Variants in HDAC4 observed in about 807,000 individuals in gnomAD.
HDAC4 encodes the protein histone deacetylase A.
HDAC4 carries 16 observed loss-of-function variants against 135.1 expected under a neutral mutation model. That is an observed-to-expected ratio of 0.12 (90% CI 0.08 to 0.18). The LOEUF (loss-of-function observed/expected upper bound fraction) is 0.18, where lower values mean the gene tolerates loss of function less well. Among genes scored for constraint, HDAC4 ranks in the 10% least tolerant of loss-of-function variants. The pLI, the probability that HDAC4 is intolerant of heterozygous loss-of-function variation, is 1.00. For missense variants in HDAC4, 1,143 were observed against 1,511.8 expected, an observed-to-expected ratio of 0.76 and a Z score of 4.05; for synonymous variants, 685 against 653.4, an observed-to-expected ratio of 1.05 and a Z score of -0.74.
At chr2:239,276,158 C>G (rs1478434835) in intron 2 of HDAC4, among the ~76,000 whole-genome samples, 1 of 152,252 alleles carries the variant, frequency 6.6e-6, no homozygotes, top group African/African-American at 2.4e-5. Context: ...CAAGTTCACT[C>G]TGGTGGCAAC....
rs552077253 is a variant in HDAC4, at chr2:239,158,072, G to C, written c.612-1299C>G. 3.9e-5 allele frequency among the ~76,000 whole-genome samples: 6 copies of C among 152,374 alleles called. No homozygotes were observed. The East Asian group carries it at 9.6e-4, about 24-fold the overall frequency. ...CGGACTGCAGGGCTGGGACACGCCT[G>C]TCTGCACCTGTGCAGGGGCTGTGGC... On this transcript the variant is annotated intron_variant, in intron 6 of 26. Coordinates refer to ENST00000543185, the MANE Select transcript of HDAC4 (RefSeq NM_001378414.1).
Position 239,141,463 on chromosome 2 carries a change from A to T in HDAC4, c.866-1667T>A, listed in dbSNP as rs913476625. ...CACCCTCTCACTTCCACCAGACACT[A>T]ACTCCAGAGGTAGGCTTCTCCCGCT... On this transcript the variant is annotated intron_variant, in intron 8 of 26. Coordinates refer to ENST00000543185, the MANE Select transcript of HDAC4 (RefSeq NM_001378414.1). This position sits in a 1 kb window ranked among gnomAD's most constrained non-coding sequence, Gnocchi z 4.9. 1.3e-5 allele frequency among the ~76,000 whole-genome samples: 2 copies of T among 152,080 alleles called. No individual in the cohort carries two copies. Among genetic ancestry groups the T allele is most frequent in the African/African-American group, 4.8e-5 (2 of 41,406 alleles).
chr2:239,139,893 C>G lies in HDAC4; in HGVS notation c.866-97G>C. On this transcript the variant is annotated intron_variant, in intron 8 of 26. Transcript: ENST00000543185. The surrounding 1 kb of genome is among the most constrained non-coding windows in gnomAD (Gnocchi z 5.3). ...ATGCCCGGTGCCTTCCACGGACCTGCTCGTTAGCTTGCGACAGGCAGAAGT... is the reference window on the plus strand; with the variant it reads ...ATGCCCGGTGCCTTCCACGGACCTGGTCGTTAGCTTGCGACAGGCAGAAGT... The G allele has an allele frequency of 1.1e-6, 1 of 922,584 alleles. No individual in the cohort carries two copies. Among genetic ancestry groups the G allele is most frequent in the Non-Finnish European group, 1.8e-6 (1 of 569,496 alleles). 57.1% of individuals were successfully genotyped at this position (922,584 alleles called of 1,614,324 possible). A position where few individuals can be genotyped will look rare whatever the true frequency, so the allele number is the denominator to read the frequency against.
At chr2:239,089,378 G>A (rs1405947754) in intron 18 of HDAC4, among the ~76,000 whole-genome samples, 2 of 152,116 alleles carry the variant, frequency 1.3e-5, no homozygotes, top group Non-Finnish European at 2.9e-5. Flanking sequence ...ACCCAGGCTG[G>A]AGTGCAATGG....
chr2:239,384,319 A>G (rs1695633076), intron 1 of HDAC4, among the ~76,000 whole-genome samples: 1 of 152,162 alleles, frequency 6.6e-6, no homozygotes, highest in South Asian at 2.1e-4. Context: ...TGTTTAATGA[A>G]AAAGAAAACT....
intron 1 of HDAC4, among the ~76,000 whole-genome samples, chr2:239,373,499 C>G (rs1440558395): frequency 6.6e-6 from 1 of 152,134 alleles, no homozygotes; most frequent in Non-Finnish European, 1.5e-5. Context: ...GACAGAGTCT[C>G]ACTCTGTCGC....
chr2:239,245,452 T>A lies in HDAC4; in HGVS notation c.23-8788A>T, dbSNP rs2048409343. Among the ~76,000 whole-genome samples, 1 of 152,186 alleles carries A rather than the reference T, an allele frequency of 6.6e-6. No individual in the cohort carries two copies. Among genetic ancestry groups the A allele is most frequent in the African/African-American group, 2.4e-5 (1 of 41,444 alleles). ...CAGTTTTTAAGACAACCAGTAAAAA[T>A]TAAACATCGTTTGGGTATAAGATGA... On this transcript the variant is annotated intron_variant, in intron 2 of 26. Coordinates refer to ENST00000543185, the MANE Select transcript of HDAC4 (RefSeq NM_001378414.1). This position sits in a 1 kb window ranked among gnomAD's most constrained non-coding sequence, Gnocchi z 4.4.
At chr2:239,317,365 G>A (rs1359477215) in intron 2 of HDAC4, among the ~76,000 whole-genome samples, 1 of 152,116 alleles carries the variant, frequency 6.6e-6, no homozygotes, top group African/African-American at 2.4e-5. Context: ...CACAGCTCTG[G>A]CGGCCGAGAG....
chr2:239,279,019 C>A (rs2050555220), intron 2 of HDAC4, among the ~76,000 whole-genome samples: 1 of 152,214 alleles, frequency 6.6e-6, no homozygotes, highest in Non-Finnish European at 1.5e-5. Flanking sequence ...ACTGAAAAAC[C>A]AGAAAGAAAG....
intron 14 of HDAC4, among the ~76,000 whole-genome samples, chr2:239,109,527 T>C (rs1442474528): frequency 6.6e-6 from 1 of 151,446 alleles, no homozygotes; most frequent in Non-Finnish European, 1.5e-5. Flanking sequence ...CTCTTGTGAG[T>C]CAGGCTAACA....
chr2:239,382,183 T>C (rs972237088), intron 1 of HDAC4, among the ~76,000 whole-genome samples: 1 of 152,272 alleles, frequency 6.6e-6, no homozygotes, highest in African/African-American at 2.4e-5. Flanking sequence ...CAGATTAAAA[T>C]TAGGCACGCT....
chr2:239,193,407 A>G (rs564780478), intron 3 of HDAC4, among the ~76,000 whole-genome samples: 2 of 152,404 alleles, frequency 1.3e-5, no homozygotes, highest in African/African-American at 2.4e-5. Flanking sequence ...CAGTTCCCAA[A>G]GAACATTCAT....
intron 2 of HDAC4, among the ~76,000 whole-genome samples, chr2:239,276,705 C>A (rs1356366625): frequency 6.6e-6 from 1 of 152,074 alleles, no homozygotes; most frequent in Non-Finnish European, 1.5e-5. Context: ...ACACTACCCG[C>A]TGTCTGCTGC....
At chr2:239,053,190 G>C (rs1403180317) in intron 26 of HDAC4, 54 bp from the exon 27 acceptor site, 2 of 1,605,522 alleles carry the variant, frequency 1.2e-6, no homozygotes, top group Admixed American at 1.7e-5. Flanking sequence ...GCACCACAGA[G>C]AGGAGAGAAC....
At chr2:239,188,145 C>A (rs1186362653) in intron 4 of HDAC4, among the ~76,000 whole-genome samples, 3 of 152,214 alleles carry the variant, frequency 2.0e-5, no homozygotes, top group Non-Finnish European at 1.5e-5. Context: ...TCCGGGCTCA[C>A]CTTTGAAGCA....
chr2:239,251,059 C>G (rs963319341), intron 2 of HDAC4, among the ~76,000 whole-genome samples: 1 of 152,208 alleles, frequency 6.6e-6, no homozygotes, highest in African/African-American at 2.4e-5. Context: ...CGTCAGCTCC[C>G]TTAGAGGATG....
intron 2 of HDAC4, among the ~76,000 whole-genome samples, chr2:239,279,002 C>A (rs774712433): frequency 4.6e-5 from 7 of 152,170 alleles, no homozygotes; most frequent in Non-Finnish European, 1.0e-4. Context: ...ACTATGCTGC[C>A]GGCAGGACTG....
intron 3 of HDAC4, among the ~76,000 whole-genome samples, chr2:239,211,930 G>A (rs887801106): frequency 6.6e-6 from 1 of 152,054 alleles, no homozygotes; most frequent in African/African-American, 2.4e-5. Context: ...CCCTGCAGAC[G>A]CTGAATTTAG....
chr2:239,365,439 G>A (rs1694126960), intron 1 of HDAC4, among the ~76,000 whole-genome samples: 2 of 152,348 alleles, frequency 1.3e-5, no homozygotes, highest in South Asian at 2.1e-4. Context: ...GCTGAGCTGA[G>A]GCCACCATTC....
Sources: allele counts gnomAD v4.1 joint callset (sites outside exome capture counted in the v4.1 genomes callset), GRCh38; gene constraint gnomAD v4.1.1; non-coding constraint Gnocchi (gnomAD v3.1); transcripts MANE v1.5; gene names NCBI Gene and HGNC (gene_info 2026-07-23, HGNC 2026-07-21).